LIG1: variants seen among roughly 807,000 people sequenced by gnomAD.
LIG1 encodes the protein DNA ligase 1.
Under a neutral mutation model 115.7 loss-of-function variants are expected in LIG1, and 70 were observed. The observed-to-expected ratio is 0.60, with a 90% CI of 0.50 to 0.74. The LOEUF (loss-of-function observed/expected upper bound fraction) is 0.74. Among genes scored for constraint, LIG1 ranks in the 30% least tolerant of loss-of-function variants. The pLI is 0.00. For missense variants in LIG1, 1,115 were observed against 1,225.6 expected (o/e 0.91, Z 1.35); for synonymous variants, 487 against 495.3 (o/e 0.98, Z 0.22).
intron 16 of LIG1, 110 bp downstream of exon 16, chr19:48,135,570 G>A: frequency 1.1e-6 from 1 of 873,540 alleles, no homozygotes; most frequent in Middle Eastern, 2.9e-4. Flanking sequence ...CGGCACTCGT[G>A]ATGCCTGTCC....
intron 9 of LIG1, among the ~76,000 whole-genome samples, chr19:48,147,805 G>A (rs1026508811): frequency 1.3e-5 from 2 of 150,296 alleles, no homozygotes; most frequent in Non-Finnish European, 3.0e-5. Flanking sequence ...GTAAATAAAT[G>A]AGTCCATGAT....
At chr19:48,169,820 CCCTT>C (rs2036684614) in intron 1 of LIG1, 1 of 154,884 alleles carries the variant, frequency 6.5e-6, no homozygotes, top group African/African-American at 2.5e-5. Flanking sequence ...CCGGCCCCGC[CCCTT>C]AGCTCCCTTC....
At chr19:48,169,955 T>C (rs7246696) in intron 1 of LIG1, 82,443 of 172,034 alleles carry the variant, frequency 0.48, 18,345 homozygotes, top group East Asian at 0.77. Context: ...GCCTCTCCCC[T>C]TTCCAGGTGA....
chr19:48,139,912 T>C (rs2034630126), intron 12 of LIG1, 59 bp downstream of exon 12: 19 of 1,585,466 alleles, frequency 1.2e-5, no homozygotes, highest in Non-Finnish European at 1.6e-5. Flanking sequence ...ACCTGACCTC[T>C]GCATTTTCTC....
Position 48,162,353 on chromosome 19 carries a change from T to C in LIG1, c.18-2A>G. On this transcript the variant is annotated splice_acceptor_variant, in intron 2 of 27. Transcript: ENST00000263274. LOFTEE classifies it high-confidence loss of function. ...TCTTTCTTGGGGTGGAAAAATGACCTAGAGGAGCATAAAAGGGGGTAAAAA... is the reference window on the plus strand; with the variant it reads ...TCTTTCTTGGGGTGGAAAAATGACCCAGAGGAGCATAAAAGGGGGTAAAAA... 1 of 1,610,744 alleles carries C rather than the reference T, an allele frequency of 6.2e-7. No homozygotes were observed. Among genetic ancestry groups the C allele is most frequent in the Non-Finnish European group, 8.5e-7 (1 of 1,177,554 alleles).
At chr19:48,132,883 G>A (rs981527663) in intron 18 of LIG1, 99 bp downstream of exon 18, 27 of 850,334 alleles carry the variant, frequency 3.2e-5, no homozygotes, top group Non-Finnish European at 4.5e-5. Flanking sequence ...TCGGCAGTCT[G>A]TGGCGCAGGC....
At chr19:48,156,934 G>C in intron 5 of LIG1, 80 bp downstream of exon 5, 1 of 1,045,754 alleles carries the variant, frequency 9.6e-7, no homozygotes, top group East Asian at 3.2e-5. Flanking sequence ...GCGAGACTAT[G>C]TCTCAAAAAA....
chr19:48,140,744 C>T (rs374369422), intron 11 of LIG1, among the ~76,000 whole-genome samples: 3 of 152,096 alleles, frequency 2.0e-5, no homozygotes, highest in Non-Finnish European at 4.4e-5. Context: ...CCATCCCACC[C>T]AGGAACAGAA....
intron 11 of LIG1, among the ~76,000 whole-genome samples, chr19:48,140,529 G>C (rs1440915171): frequency 6.6e-6 from 1 of 151,714 alleles, no homozygotes; most frequent in Non-Finnish European, 1.5e-5. Flanking sequence ...ACCCCTTTTT[G>C]CCTAAGGACC....
In LIG1 at chr19:48,153,965, G is replaced by A. The variant is rs766751568; in HGVS notation, c.373C>T (p.Arg125Trp). Reference protein sequence around the residue: ...PSGIPKRRTARKQLPKRTIQE... With the variant: ...PSGIPKRRTAWKQLPKRTIQE... ...ATGGTCCGTTTCGGGAGCTGCTTCC[G>A]AGCTGGGGAGGCAAAGGGCTTGGTG... The change falls in exon 6 of 28, where the codon CGG becomes TGG. Residue 125 changes from arginine to tryptophan, a missense_variant and splice_region_variant. By Grantham distance (101) the Arg-to-Trp change is moderately radical. Transcript: ENST00000263274. 3.1e-6 allele frequency: 5 copies of A among 1,613,606 alleles called. No individual in the cohort carries two copies. Among genetic ancestry groups the A allele is most frequent in the South Asian group, 1.1e-5 (1 of 91,066 alleles).
chr19:48,118,172 TAGAG>T (rs1196817766), intron 25 of LIG1, among the ~76,000 whole-genome samples: 1 of 152,002 alleles, frequency 6.6e-6, no homozygotes, highest in African/African-American at 2.4e-5. Context: ...GACAGAGATG[TAGAG>T]AGAGAGGGCA....
chr19:48,142,531 C>T (rs1347297223), intron 11 of LIG1, among the ~76,000 whole-genome samples: 2 of 151,184 alleles, frequency 1.3e-5, no homozygotes, highest in Admixed American at 1.3e-4. Flanking sequence ...CATGTGAGAA[C>T]GAAGGGACAC....
At chr19:48,154,195 G>T in intron 5 of LIG1, 1 of 550,474 alleles carries the variant, frequency 1.8e-6, no homozygotes, top group Non-Finnish European at 3.3e-6. Context: ...GCTCTCTCAC[G>T]ACTGCAGAAT....
intron 18 of LIG1, 81 bp from the exon 19 acceptor site, chr19:48,131,252 C>G: frequency 9.9e-7 from 1 of 1,011,888 alleles, no homozygotes; most frequent in Non-Finnish European, 1.6e-6. Context: ...CCCACCTGCA[C>G]TGGTAGAAGG....
At chr19:48,121,694 G>A (rs1368066018) in intron 23 of LIG1, among the ~76,000 whole-genome samples, 1 of 152,162 alleles carries the variant, frequency 6.6e-6, no homozygotes, top group South Asian at 2.1e-4. Context: ...CCAGCTACTT[G>A]GGAGGCTGAG....
intron 21 of LIG1, among the ~76,000 whole-genome samples, chr19:48,126,704 A>G: frequency 6.6e-6 from 1 of 152,128 alleles, no homozygotes; most frequent in Non-Finnish European, 1.5e-5. Flanking sequence ...AAAATGAGAA[A>G]TTAAAAAAAT....
At position 48,136,128 on chromosome 19, in the gene LIG1, G is replaced by A; in HGVS notation, c.1332-3C>T. 3 of 1,563,070 alleles carry A rather than the reference G, an allele frequency of 1.9e-6. No homozygotes were observed. The highest frequency in any genetic ancestry group is 2.6e-6 in the Non-Finnish European group (3 of 1,153,852). The stretch of plus-strand genomic sequence containing the variant: ...GGCGCAGCCGTCCGCTCAGGGACCT[G>A]GGGAGAGAGCAGGCCAGGGAAGGGG... On this transcript the variant is annotated splice_polypyrimidine_tract_variant and splice_region_variant and intron_variant, in intron 14 of 27. Transcript: ENST00000263274.
intron 19 of LIG1, 128 bp from the exon 20 acceptor site, chr19:48,128,148 A>C: frequency 5.3e-6 from 4 of 754,706 alleles, no homozygotes; most frequent in East Asian, 5.1e-5. Context: ...AGGCAGGTGC[A>C]CACAGATGCT....
At position 48,119,188 on chromosome 19, in the gene LIG1, A is replaced by C. The variant is rs745685523; in HGVS notation, c.2388T>G (p.Leu796=). ...GCTCCTCATCACTGAAGCCAGTTCC[A>C]AGCTGCAGGGAGGAAGCGGGAGGTC... ...DSEELQAICK[L]GTGFSDEELE... The change falls in exon 25 of 28, where the codon CTT becomes CTG. Residue 796 remains leucine (L), a splice_region_variant and synonymous_variant. Transcript: ENST00000263274. 63 of 1,584,142 alleles carry C rather than the reference A, an allele frequency of 4.0e-5. No individual in the cohort carries two copies. The highest frequency in any genetic ancestry group is 5.1e-5 in the Non-Finnish European group (59 of 1,165,244).
Sources: gnomAD v4.1 joint callset for allele counts (sites outside exome capture counted in the v4.1 genomes callset) on GRCh38, gnomAD v4.1.1 for gene constraint, MANE v1.5 for transcripts, NCBI Gene and HGNC (gene_info 2026-07-23, HGNC 2026-07-21) for gene names.